Variants in BAZ2B observed in about 807,000 individuals in gnomAD.
BAZ2B encodes bromodomain adjacent to zinc finger domain protein 2B.
Under a neutral mutation model 246.0 loss-of-function variants are expected in BAZ2B, and 91 were observed. The ratio of observed to expected loss-of-function variants is 0.37; its 90% CI spans 0.31 to 0.44. BAZ2B has a LOEUF of 0.44. BAZ2B is among the 20% of genes least tolerant of loss of function. The pLI is 1.00. For missense variants in BAZ2B, 2,332 were observed against 2,533.7 expected (o/e 0.92, Z 1.71); for synonymous variants, 855 against 860.0 (o/e 0.99, Z 0.10).
chr2:159,533,203 C>G (rs1559711652), intron 2 of BAZ2B, among the ~76,000 whole-genome samples: 1 of 152,122 alleles, frequency 6.6e-6, no homozygotes, highest in Non-Finnish European at 1.5e-5. Flanking sequence ...AAAGTGGTAT[C>G]AAGAGTTGTT....
intron 3 of BAZ2B, chr2:159,460,462 G>A (rs1049557772): frequency 1.3e-5 from 2 of 152,060 alleles, no homozygotes; most frequent in African/African-American, 2.4e-5. Flanking sequence ...TGTGCTAAAA[G>A]TGTCTTTTAA....
the BAZ2B span, among the ~76,000 whole-genome samples, chr2:159,685,649 G>A: frequency 6.6e-6 from 1 of 151,950 alleles, no homozygotes; most frequent in African/African-American, 2.4e-5. Context: ...GCCTACCACA[G>A]AGAACTCCCC....
chr2:159,655,883 A>G, the BAZ2B span, among the ~76,000 whole-genome samples: 16 of 152,062 alleles, frequency 1.1e-4, no homozygotes. Flanking sequence ...ACTTCTTTGA[A>G]TGTAAGTTTT....
intron 13 of BAZ2B, among the ~76,000 whole-genome samples, chr2:159,420,058 C>A (rs1163504108): frequency 2.0e-5 from 3 of 152,194 alleles, no homozygotes; most frequent in Non-Finnish European, 4.4e-5. Context: ...TTTAGCTGGG[C>A]AGCATTGTGC....
At chr2:159,661,391 C>T in the BAZ2B span, among the ~76,000 whole-genome samples, 1 of 152,094 alleles carries the variant, frequency 6.6e-6, no homozygotes, top group Admixed American at 6.6e-5. Context: ...ACAAATAAAG[C>T]TGTTAGGTAT....
intron 27 of BAZ2B, among the ~76,000 whole-genome samples, chr2:159,357,684 T>C (rs562550125): frequency 1.3e-5 from 2 of 151,866 alleles, no homozygotes; most frequent in African/African-American, 4.8e-5. Flanking sequence ...AAGGTTGAAA[T>C]GAAGGAAAAA....
chr2:159,343,398 C>T (rs1042525152), intron 31 of BAZ2B, among the ~76,000 whole-genome samples: 4 of 151,884 alleles, frequency 2.6e-5, no homozygotes, highest in Non-Finnish European at 5.9e-5. Flanking sequence ...TAAACAAATG[C>T]AACTACATCA....
chr2:159,676,952 TTATATATATATATATATA>T, the BAZ2B span, among the ~76,000 whole-genome samples: 356 of 117,818 alleles, frequency 3.0e-3, 2 homozygotes, highest in Middle Eastern at 0.017. Context: ...AATAGTTTTG[TTATATATATATATATATA>T]TATATATATA....
chr2:159,392,680 T>C (rs1054483744), intron 20 of BAZ2B, among the ~76,000 whole-genome samples: 3 of 152,180 alleles, frequency 2.0e-5, no homozygotes, highest in Admixed American at 2.0e-4. Flanking sequence ...TACTTCTGAC[T>C]ACAGTAGTGA....
At chr2:159,582,129 A>G (rs1686962961) in intron 1 of BAZ2B, among the ~76,000 whole-genome samples, 1 of 152,226 alleles carries the variant, frequency 6.6e-6, no homozygotes, top group African/African-American at 2.4e-5. Flanking sequence ...ATATATTCAC[A>G]TGGCAGACTT....
At chr2:159,677,457 G>C in the BAZ2B span, among the ~76,000 whole-genome samples, 1 of 152,022 alleles carries the variant, frequency 6.6e-6, no homozygotes, top group Non-Finnish European at 1.5e-5. Flanking sequence ...AGTTTTTACA[G>C]TATGTTTTAA....
chr2:159,689,259 C>A, the BAZ2B span: 1 of 475,058 alleles, frequency 2.1e-6, no homozygotes, highest in South Asian at 1.9e-5. Flanking sequence ...TCAACTCATT[C>A]AACTTTAACA....
chr2:159,568,201 T>C (rs1683103264), intron 1 of BAZ2B, among the ~76,000 whole-genome samples: 1 of 152,166 alleles, frequency 6.6e-6, no homozygotes, highest in Non-Finnish European at 1.5e-5. Flanking sequence ...ATTCTCTTCC[T>C]CCTCACCCAT....
At chr2:159,433,614 T>A (rs2071567200) in intron 8 of BAZ2B, 1 of 313,700 alleles carries the variant, frequency 3.2e-6, no homozygotes, top group African/African-American at 2.2e-5. Flanking sequence ...CTCCCCTCTT[T>A]ACTGTTGCTT....
At chr2:159,593,970 T>C (rs866815130) in intron 1 of BAZ2B, among the ~76,000 whole-genome samples, 2 of 152,234 alleles carry the variant, frequency 1.3e-5, no homozygotes, top group African/African-American at 2.4e-5. Flanking sequence ...TTTTTAAGTG[T>C]ACAATTAGCT....
At chr2:159,421,282 C>T (rs2068701205) in intron 13 of BAZ2B, among the ~76,000 whole-genome samples, 1 of 151,848 alleles carries the variant, frequency 6.6e-6, no homozygotes, top group African/African-American at 2.4e-5. Flanking sequence ...TAAAGCAGTC[C>T]TTCCACCTCA....
the BAZ2B span, among the ~76,000 whole-genome samples, chr2:159,692,626 G>GA: frequency 6.6e-6 from 1 of 152,074 alleles, no homozygotes; most frequent in South Asian, 2.1e-4. Flanking sequence ...TGAGGCTGGA[G>GA]GATCACTTGA....
intron 18 of BAZ2B, 130 bp downstream of exon 18, chr2:159,398,699 T>C (rs2064456874): frequency 1.3e-6 from 1 of 748,206 alleles, no homozygotes. Context: ...ACTATACACA[T>C]GTAGTATCTG....
chr2:159,500,601 T>G (rs2081602101), intron 2 of BAZ2B, among the ~76,000 whole-genome samples: 1 of 152,210 alleles, frequency 6.6e-6, no homozygotes, highest in Admixed American at 6.5e-5. Context: ...TCCTTCATAG[T>G]ACAAGGCCCT....
Sources: gnomAD v4.1 joint callset for allele counts (sites outside exome capture counted in the v4.1 genomes callset) on GRCh38, gnomAD v4.1.1 for gene constraint, MANE v1.5 for transcripts, NCBI Gene and HGNC (gene_info 2026-07-23, HGNC 2026-07-21) for gene names.